Variants in CDC42EP4 observed in about 807,000 individuals in gnomAD.
CDC42EP4 encodes the protein CDC42 effector protein (Rho GTPase binding) 4.
Under a neutral mutation model 5.6 loss-of-function variants are expected in CDC42EP4, and 6 were observed. That is an observed-to-expected ratio of 1.07 (90% confidence interval 0.59 to 2.12). The LOEUF is 2.12. Ranked by LOEUF, CDC42EP4 falls within the 30% of genes most tolerant of loss-of-function variation. The pLI is 0.00. For missense variants in CDC42EP4, 490 were observed against 508.6 expected (o/e 0.96, Z 0.35); for synonymous variants, 230 against 224.2 (o/e 1.03, Z -0.23).
At chr17:73,296,038 A>G (rs2062182766) in intron 1 of CDC42EP4, among the ~76,000 whole-genome samples, 1 of 151,928 alleles carries the variant, frequency 6.6e-6, no homozygotes, top group Non-Finnish European at 1.5e-5. Flanking sequence ...GAACTATTTC[A>G]AAGGCGAAAA....
At chr17:73,289,019 A>G (rs2062147815) in intron 1 of CDC42EP4, among the ~76,000 whole-genome samples, 1 of 152,180 alleles carries the variant, frequency 6.6e-6, no homozygotes, top group Non-Finnish European at 1.5e-5. Context: ...ACCTTCCCCT[A>G]ACTCTAACTT....
intron 1 of CDC42EP4, among the ~76,000 whole-genome samples, chr17:73,303,400 G>A (rs1433105050): frequency 2.6e-5 from 4 of 152,086 alleles, no homozygotes; most frequent in South Asian, 4.2e-4. Flanking sequence ...GGTGGCTCAC[G>A]CCTGTAATCC....
chr17:73,302,129 C>T (rs549518491), intron 1 of CDC42EP4, among the ~76,000 whole-genome samples: 10 of 152,296 alleles, frequency 6.6e-5, no homozygotes, highest in African/African-American at 2.4e-4. Flanking sequence ...CTACTGCACC[C>T]GGCCAGCAGG....
intron 1 of CDC42EP4, among the ~76,000 whole-genome samples, chr17:73,290,496 T>C (rs1224805097): frequency 6.6e-6 from 1 of 152,196 alleles, no homozygotes; most frequent in Non-Finnish European, 1.5e-5. Context: ...CTGTGCACTG[T>C]AGGATATTCA....
chr17:73,303,212 G>A (rs1257466099), intron 1 of CDC42EP4, among the ~76,000 whole-genome samples: 1 of 151,252 alleles, frequency 6.6e-6, no homozygotes, highest in African/African-American at 2.4e-5. Flanking sequence ...GCGTGGTGGC[G>A]CATGCCTGTA....
intron 1 of CDC42EP4, among the ~76,000 whole-genome samples, chr17:73,288,914 C>A (rs935331473): frequency 7.9e-5 from 12 of 152,236 alleles, no homozygotes; most frequent in Admixed American, 5.2e-4. Flanking sequence ...ACTTGCCACA[C>A]AGTGACGTGG....
intron 1 of CDC42EP4, among the ~76,000 whole-genome samples, chr17:73,295,507 T>C (rs2062180024): frequency 6.6e-6 from 1 of 152,170 alleles, no homozygotes; most frequent in Admixed American, 6.6e-5. Flanking sequence ...ATTACAAAAC[T>C]CTGATCCAAG....
chr17:73,286,198 G>A lies in CDC42EP4; in HGVS notation c.303C>T (p.Asp101=), dbSNP rs2062132685. The change falls in exon 2 of 2, where the codon GAC becomes GAT. Residue 101 remains aspartate, a synonymous_variant. Transcript: ENST00000335793. The surrounding 1 kb of genome is among the most constrained non-coding windows in gnomAD (Gnocchi z 7.7). ...CCGAGTCCCGCAGGGAGCCCAGCATGTCACGCTGCTCCCGCTCCCCCCTGG... is the reference window on the plus strand; with the variant it reads ...CCGAGTCCCGCAGGGAGCCCAGCATATCACGCTGCTCCCGCTCCCCCCTGG... ...SVTRGEREQR[D]MLGSLRDSAL... 3 of 1,614,046 alleles carry A rather than the reference G, an allele frequency of 1.9e-6. No individual in the cohort carries two copies. Among genetic ancestry groups the A allele is most frequent in the Non-Finnish European group, 2.5e-6 (3 of 1,180,052 alleles).
In CDC42EP4 at chr17:73,285,633, C is replaced by T. The variant is rs545390429; in HGVS notation, c.868G>A (p.Ala290Thr). 1.1e-5 allele frequency: 17 copies of T among 1,597,986 alleles called. No homozygotes were observed. Among genetic ancestry groups the T allele is most frequent in the Non-Finnish European group, 1.5e-5 (17 of 1,171,104 alleles). ...CTGCGGGCTGAGCCGGGGCTGGGGG[C>T]CGCTGCTGCCCACCCCTCATCCTCC... ...ALEDEGWAAA[A>T]PSPGSARSMG... is the part of the protein sequence containing the mutation. The change falls in exon 2 of 2, where the codon GCC (alanine) becomes ACC (threonine). Residue 290 changes from alanine (A) to threonine (T), a missense_variant. Ala to Thr is a moderately conservative substitution (Grantham distance 58). Coordinates refer to ENST00000335793, the MANE Select transcript of CDC42EP4 (RefSeq NM_012121.5). The surrounding 1 kb of genome is among the most constrained non-coding windows in gnomAD (Gnocchi z 6.8).
At chr17:73,299,759 G>T (rs1285495339) in intron 1 of CDC42EP4, among the ~76,000 whole-genome samples, 1 of 152,108 alleles carries the variant, frequency 6.6e-6, no homozygotes, top group Non-Finnish European at 1.5e-5. Flanking sequence ...AAGGGTCTGG[G>T]AGCCGGTTAA....
At chr17:73,303,945 TA>T (rs1469543734) in intron 1 of CDC42EP4, among the ~76,000 whole-genome samples, 9 of 152,250 alleles carry the variant, frequency 5.9e-5, no homozygotes, top group Admixed American at 1.3e-4. Context: ...TAAAATAATT[TA>T]CCCTTTAATT....
chr17:73,287,340 C>T (rs180874814), intron 1 of CDC42EP4, among the ~76,000 whole-genome samples: 1 of 152,176 alleles, frequency 6.6e-6, no homozygotes, highest in African/African-American at 2.4e-5. Flanking sequence ...GCTGAGGGTC[C>T]ACCTTCTGGT....
chr17:73,293,566 G>A (rs1447778423), intron 1 of CDC42EP4, among the ~76,000 whole-genome samples: 1 of 152,138 alleles, frequency 6.6e-6, no homozygotes, highest in African/African-American at 2.4e-5. Flanking sequence ...ACCCCTAGGC[G>A]GAACTTCACT....
In CDC42EP4 at chr17:73,286,690, T is replaced by C. The variant is rs1247486009; in HGVS notation, c.-112-78A>G. ...CAAAAGCCTCTTTGCCAGGGGACTG[T>C]CATTTAAACCCCAGCGCTCCTACCA... On this transcript the variant is annotated intron_variant, in intron 1 of 1. Transcript: ENST00000335793. The surrounding 1 kb of genome is among the most constrained non-coding windows in gnomAD (Gnocchi z 7.7). The C allele has an allele frequency of 3.4e-6, 2 of 585,150 alleles. No homozygotes were observed. The highest frequency in any genetic ancestry group is 3.7e-5 in the African/African-American group (2 of 53,708). The allele number at this position is 585,150 out of a possible 1,614,324, so 36.2% of individuals were successfully genotyped here.
In CDC42EP4 at chr17:73,286,349, G is replaced by A; in HGVS notation, c.152C>T (p.Ser51Phe). The A allele has an allele frequency of 6.2e-7, 1 of 1,614,192 alleles. No homozygotes were observed. Among genetic ancestry groups the A allele is most frequent in the Non-Finnish European group, 8.5e-7 (1 of 1,180,044 alleles). The change falls in exon 2 of 2, where the codon TCC becomes TTC. Residue 51 changes from serine to phenylalanine, a missense_variant. Physicochemically the swap from Ser to Phe is radical, Grantham distance 155 (BLOSUM62 -2). Coordinates refer to ENST00000335793, the MANE Select transcript of CDC42EP4 (RefSeq NM_012121.5). This position sits in a 1 kb window ranked among gnomAD's most constrained non-coding sequence, Gnocchi z 7.7. ...GRAGDAFGDTSFLNSKAGEPD... is the reference protein window; with the variant it reads ...GRAGDAFGDTFFLNSKAGEPD... ...CTCGCCAGCCTTGCTATTGAGGAAG[G>A]AGGTGTCCCCAAAGGCGTCTCCGGC...
intron 1 of CDC42EP4, among the ~76,000 whole-genome samples, chr17:73,297,473 CA>C (rs899469986): frequency 2.0e-5 from 3 of 150,430 alleles, no homozygotes; most frequent in Non-Finnish European, 1.5e-5. Context: ...GACTCTGTCT[CA>C]AAAAAAATAA....
intron 1 of CDC42EP4, among the ~76,000 whole-genome samples, chr17:73,291,304 C>T (rs1482210215): frequency 1.3e-5 from 2 of 152,084 alleles, no homozygotes; most frequent in Non-Finnish European, 2.9e-5. Flanking sequence ...ACTGCCCCAG[C>T]GAGGAGGGGG....
At chr17:73,305,447 C>T (rs773891323) in intron 1 of CDC42EP4, among the ~76,000 whole-genome samples, 23 of 152,212 alleles carry the variant, frequency 1.5e-4, no homozygotes, top group Non-Finnish European at 3.2e-4. Flanking sequence ...TTCACTTTGC[C>T]GCTCCTAAGA....
At chr17:73,287,607 C>T (rs1455078892) in intron 1 of CDC42EP4, among the ~76,000 whole-genome samples, 1 of 152,192 alleles carries the variant, frequency 6.6e-6, no homozygotes, top group African/African-American at 2.4e-5. Context: ...GAGGGGCTTG[C>T]CCCAAATACT....
Sources: gnomAD v4.1 joint callset for allele counts (sites outside exome capture counted in the v4.1 genomes callset) on GRCh38, gnomAD v4.1.1 for gene constraint, Gnocchi (gnomAD v3.1) non-coding constraint, MANE v1.5 for transcripts, NCBI Gene and HGNC (gene_info 2026-07-23, HGNC 2026-07-21) for gene names.